Variants in GALNT18 observed in about 807,000 individuals in gnomAD.
The protein encoded by GALNT18 is polypeptide N-acetylgalactosaminyltransferase 18.
GALNT18 carries 44 observed loss-of-function variants against 69.5 expected under a neutral mutation model. The observed-to-expected ratio is 0.63, with a 90% CI of 0.50 to 0.81. GALNT18 has a LOEUF of 0.81. Ranked by LOEUF, GALNT18 falls within the 40% of genes least tolerant of loss-of-function variation. The pLI, the probability that GALNT18 is intolerant of heterozygous loss-of-function variation, is 0.00. For synonymous variants in GALNT18, 364 were observed against 318.2 expected (o/e 1.14, Z -1.53); for missense variants, 715 against 810.0 (o/e 0.88, Z 1.42).
intron 1 of GALNT18, among the ~76,000 whole-genome samples, chr11:11,615,193 A>C (rs1364756498): frequency 6.6e-6 from 1 of 152,212 alleles, no homozygotes; most frequent in African/African-American, 2.4e-5. Context: ...GCCAAGTCAA[A>C]GCTCAGATGA....
intron 9 of GALNT18, among the ~76,000 whole-genome samples, chr11:11,306,394 G>GA (rs113155446): frequency 0.14 from 20,976 of 150,786 alleles, 1,752 homozygotes; most frequent in Admixed American, 0.21. Flanking sequence ...TGTTAGCCCA[G>GA]AAAAAAAAAT....
rs144771220 is a variant in GALNT18, at chr11:11,583,501, G to T, written c.235+37858C>A. Among the ~76,000 whole-genome samples, 2 of 152,292 alleles carry T rather than the reference G, an allele frequency of 1.3e-5. No individual in the cohort carries two copies. Among genetic ancestry groups the T allele is most frequent in the Non-Finnish European group, 1.5e-5 (1 of 68,018 alleles). On this transcript the variant is annotated intron_variant, in intron 1 of 10. Transcript: ENST00000227756. This position sits in a 1 kb window ranked among gnomAD's most constrained non-coding sequence, Gnocchi z 4.7. Reference sequence around the variant, plus strand: ...AGGTTTCTAGCTCTGTTTCTGGCTGGAAAGTGCACGAAAGCTGAGTTTAAT... The same window carrying T: ...AGGTTTCTAGCTCTGTTTCTGGCTGTAAAGTGCACGAAAGCTGAGTTTAAT...
At chr11:11,381,671 G>A (rs1464799733) in intron 3 of GALNT18, among the ~76,000 whole-genome samples, 1 of 152,150 alleles carries the variant, frequency 6.6e-6, no homozygotes, top group East Asian at 1.9e-4. Context: ...ACTAAGGAAG[G>A]TCTAGGCAGC....
chr11:11,377,278 G>A lies in GALNT18; in HGVS notation c.881C>T (p.Pro294Leu), dbSNP rs199988279. 16 of 1,613,738 alleles carry A rather than the reference G, an allele frequency of 9.9e-6. No homozygotes were observed. The highest frequency in any genetic ancestry group is 6.7e-5 in the African/African-American group (5 of 74,840). ...CCAGTCAAAGCCCTGGGCAGCCAGC[G>A]GGTACTCTTCTATCTCAAAGTTGTC... ...KYDNFEIEEY[P>L]LAAQGFDWEL... The change falls in exon 5 of 11, where the codon CCG becomes CTG. Residue 294 changes from proline to leucine, a missense_variant. Pro to Leu is a moderately conservative substitution (Grantham distance 98). Transcript: ENST00000227756. The surrounding 1 kb of genome is among the most constrained non-coding windows in gnomAD (Gnocchi z 4.6).
intron 10 of GALNT18, among the ~76,000 whole-genome samples, chr11:11,282,919 T>C (rs11021753): frequency 0.13 from 18,909 of 147,910 alleles, 1,770 homozygotes; most frequent in Admixed American, 0.29. Context: ...TACAAAAATG[T>C]AGACAAGGAA....
chr11:11,538,925 C>T lies in GALNT18; in HGVS notation c.235+82434G>A, dbSNP rs1043912995. Among the ~76,000 whole-genome samples, 9 of 152,194 alleles carry T rather than the reference C, an allele frequency of 5.9e-5. No individual in the cohort carries two copies. The highest frequency in any genetic ancestry group is 1.3e-4 in the Non-Finnish European group (9 of 68,042). On this transcript the variant is annotated intron_variant, in intron 1 of 10. Coordinates refer to ENST00000227756, the MANE Select transcript of GALNT18 (RefSeq NM_198516.3). This position sits in a 1 kb window ranked among gnomAD's most constrained non-coding sequence, Gnocchi z 5.2. ...AGATGCTTTGTCAACAGAGGTGCCC[C>T]CCAGATCCCTGGGTGCCGTGGGCCT...
Position 11,598,733 on chromosome 11 carries a change from T to G in GALNT18, c.235+22626A>C, listed in dbSNP as rs1859561345. Among the ~76,000 whole-genome samples the G allele has an allele frequency of 6.6e-6, 1 of 152,206 alleles. No individual in the cohort carries two copies. The highest frequency in any genetic ancestry group is 2.4e-5 in the African/African-American group (1 of 41,458). The stretch of plus-strand genomic sequence containing the variant: ...TCTTTTTCAATATAGACATTTATAG[T>G]TATACATTTCCCTTTAAATACTACT... On this transcript the variant is annotated intron_variant, in intron 1 of 10. Transcript: ENST00000227756. This position sits in a 1 kb window ranked among gnomAD's most constrained non-coding sequence, Gnocchi z 4.8.
chr11:11,310,380 T>TA (rs1849649728), intron 9 of GALNT18, among the ~76,000 whole-genome samples: 1 of 152,202 alleles, frequency 6.6e-6, no homozygotes, highest in African/African-American at 2.4e-5. Flanking sequence ...ATGTATTTGT[T>TA]AAACACCTGG....
intron 3 of GALNT18, among the ~76,000 whole-genome samples, chr11:11,417,271 T>G (rs1317654660): frequency 6.6e-6 from 1 of 152,038 alleles, no homozygotes; most frequent in East Asian, 1.9e-4. Context: ...GTGCACACAG[T>G]GAAGGAAAGT....
Position 11,595,836 on chromosome 11 carries a change from T to C in GALNT18, c.235+25523A>G, listed in dbSNP as rs984507067. On this transcript the variant is annotated intron_variant, in intron 1 of 10. Coordinates refer to ENST00000227756, the MANE Select transcript of GALNT18 (RefSeq NM_198516.3). The surrounding 1 kb of genome is among the most constrained non-coding windows in gnomAD (Gnocchi z 5.2). ...ATATTTTCCCCAATTCATTGGATTA[T>C]CATTTCAAGAGAATACTCGTTGAAT... Among the ~76,000 whole-genome samples, 2 of 152,214 alleles carry C rather than the reference T, an allele frequency of 1.3e-5. No homozygotes were observed. Among genetic ancestry groups the C allele is most frequent in the Admixed American group, 1.3e-4 (2 of 15,286 alleles).
At position 11,546,818 on chromosome 11, in the gene GALNT18, G is replaced by C. The variant is rs1371629337; in HGVS notation, c.235+74541C>G. Among the ~76,000 whole-genome samples, 5 of 152,076 alleles carry C rather than the reference G, an allele frequency of 3.3e-5. No individual in the cohort carries two copies. Among genetic ancestry groups the C allele is most frequent in the African/African-American group, 1.2e-4 (5 of 41,396 alleles). On this transcript the variant is annotated intron_variant, in intron 1 of 10. Transcript: ENST00000227756. The surrounding 1 kb of genome is among the most constrained non-coding windows in gnomAD (Gnocchi z 5.8). ...AGAGCAGGCACTCAGATCAATTTTC[G>C]GTCAGATGGATGGATGGGTGGGTTG...
intron 6 of GALNT18, among the ~76,000 whole-genome samples, chr11:11,343,940 C>A (rs980641307): frequency 6.6e-6 from 1 of 152,110 alleles, no homozygotes; most frequent in South Asian, 2.1e-4. Context: ...GAATTCACTC[C>A]CCTCTTCCCA....
intron 10 of GALNT18, among the ~76,000 whole-genome samples, chr11:11,288,011 G>A (rs188767602): frequency 1.6e-3 from 236 of 152,136 alleles, no homozygotes; most frequent in Non-Finnish European, 2.7e-3. Context: ...ATCTCTTCCC[G>A]GGACAATGAA....
chr11:11,285,918 T>C (rs373785440), intron 10 of GALNT18, among the ~76,000 whole-genome samples: 2 of 152,238 alleles, frequency 1.3e-5, no homozygotes, highest in East Asian at 1.9e-4. Flanking sequence ...CAATTGTCCC[T>C]TGACAGGCAA....
Position 11,613,795 on chromosome 11 carries a change from A to G in GALNT18, c.235+7564T>C, listed in dbSNP as rs545636986. ...TTGATGGTGGCTTAGCCACCAGTGGACCTCAGTCACTCTGCCTCTTGCTCC... is the reference window on the plus strand; with the variant it reads ...TTGATGGTGGCTTAGCCACCAGTGGGCCTCAGTCACTCTGCCTCTTGCTCC... On this transcript the variant is annotated intron_variant, in intron 1 of 10. Coordinates refer to ENST00000227756, the MANE Select transcript of GALNT18 (RefSeq NM_198516.3). This position sits in a 1 kb window ranked among gnomAD's most constrained non-coding sequence, Gnocchi z 4.2. Among the ~76,000 whole-genome samples the G allele has an allele frequency of 1.3e-5, 2 of 152,276 alleles. No individual in the cohort carries two copies. The highest frequency in any genetic ancestry group is 3.9e-4 in the East Asian group (2 of 5,178).
intron 1 of GALNT18, among the ~76,000 whole-genome samples, chr11:11,526,172 C>T (rs1299440371): frequency 6.6e-6 from 1 of 152,128 alleles, no homozygotes. Context: ...GCCATAAAGG[C>T]AGGATGTCAT....
intron 1 of GALNT18, among the ~76,000 whole-genome samples, chr11:11,467,606 C>T (rs1856180462): frequency 6.6e-6 from 1 of 152,208 alleles, no homozygotes; most frequent in African/African-American, 2.4e-5. Flanking sequence ...GCATTGTGCA[C>T]ATTCAGGGCA....
At chr11:11,484,086 T>C (rs377088919) in intron 1 of GALNT18, among the ~76,000 whole-genome samples, 2 of 152,132 alleles carry the variant, frequency 1.3e-5, no homozygotes, top group Non-Finnish European at 2.9e-5. Flanking sequence ...CTCAGTGAGA[T>C]TACTGTTATT....
chr11:11,489,308 G>A (rs183206828), intron 1 of GALNT18, among the ~76,000 whole-genome samples: 38 of 152,308 alleles, frequency 2.5e-4, no homozygotes, highest in African/African-American at 8.4e-4. Flanking sequence ...TGGGATCCCT[G>A]AAGTTCCATC....
Sources: gnomAD v4.1 joint callset for allele counts (sites outside exome capture counted in the v4.1 genomes callset) on GRCh38, gnomAD v4.1.1 for gene constraint, Gnocchi (gnomAD v3.1) non-coding constraint, MANE v1.5 for transcripts, NCBI Gene and HGNC (gene_info 2026-07-23, HGNC 2026-07-21) for gene names.